ERBB4: variants seen among roughly 807,000 people sequenced by gnomAD.
ERBB4 encodes erb-b2 receptor tyrosine kinase 4.
Under a neutral mutation model 158.0 loss-of-function variants are expected in ERBB4, and 42 were observed. That is an observed-to-expected ratio of 0.27 (90% CI 0.21 to 0.34). ERBB4 has a LOEUF of 0.34. ERBB4 is among the 10% of genes least tolerant of loss of function. The probability of loss-of-function intolerance (pLI) is 1.00; values close to 1 mark genes in which losing one functional copy is unlikely to be tolerated. For missense variants in ERBB4, 1,333 were observed against 1,624.1 expected, an observed-to-expected ratio of 0.82 and a Z score of 3.08; for synonymous variants, 583 against 558.7, an observed-to-expected ratio of 1.04 and a Z score of -0.61.
chr2:212,072,258 A>C (rs1483082547), intron 2 of ERBB4, among the ~76,000 whole-genome samples: 1 of 151,994 alleles, frequency 6.6e-6, no homozygotes, highest in Non-Finnish European at 1.5e-5. Context: ...TTCTAGTTTT[A>C]TAATTGATTA....
chr2:211,922,647 A>C (rs2079888262), intron 3 of ERBB4, among the ~76,000 whole-genome samples: 1 of 152,110 alleles, frequency 6.6e-6, no homozygotes, highest in East Asian at 1.9e-4. Flanking sequence ...CATTGTGTTA[A>C]TTTCTAAGAA....
intron 4 of ERBB4, among the ~76,000 whole-genome samples, chr2:211,757,352 A>T (rs2106229466): frequency 6.6e-6 from 1 of 152,336 alleles, no homozygotes; most frequent in South Asian, 2.1e-4. Context: ...AAATGAAACT[A>T]AAAACATTTA....
intron 21 of ERBB4, among the ~76,000 whole-genome samples, chr2:211,428,687 A>C (rs2063687486): frequency 6.6e-6 from 1 of 152,148 alleles, no homozygotes; most frequent in Non-Finnish European, 1.5e-5. Flanking sequence ...AAAGTGAATT[A>C]ATCTAAAGAT....
chr2:211,492,638 AC>A (rs2065373232), intron 20 of ERBB4, among the ~76,000 whole-genome samples: 1 of 152,118 alleles, frequency 6.6e-6, no homozygotes, highest in South Asian at 2.1e-4. Flanking sequence ...AAGCACAACA[AC>A]AATTTTAAAA....
intron 1 of ERBB4, among the ~76,000 whole-genome samples, chr2:212,490,531 C>T (rs1690217304): frequency 1.3e-5 from 2 of 151,662 alleles, no homozygotes; most frequent in African/African-American, 4.8e-5. Flanking sequence ...AACCAGAGTC[C>T]TCACTATTTA....
At chr2:211,454,500 T>G (rs2064329846) in intron 20 of ERBB4, among the ~76,000 whole-genome samples, 1 of 152,212 alleles carries the variant, frequency 6.6e-6, no homozygotes, top group East Asian at 1.9e-4. Flanking sequence ...ATTGCACTGA[T>G]GCTAGAGACC....
At chr2:212,254,752 G>A (rs2084663392) in intron 1 of ERBB4, among the ~76,000 whole-genome samples, 1 of 152,100 alleles carries the variant, frequency 6.6e-6, no homozygotes, top group Admixed American at 6.6e-5. Flanking sequence ...TTCAGGATGT[G>A]CAGTGTTTAT....
chr2:212,255,781 T>A (rs1406883698), intron 1 of ERBB4, among the ~76,000 whole-genome samples: 4 of 152,058 alleles, frequency 2.6e-5, no homozygotes, highest in Admixed American at 1.3e-4. Context: ...TAAAAATATA[T>A]TAACTCTTTC....
chr2:211,577,047 T>C (rs2067913523), intron 19 of ERBB4, among the ~76,000 whole-genome samples: 2 of 152,182 alleles, frequency 1.3e-5, no homozygotes, highest in Non-Finnish European at 1.5e-5. Flanking sequence ...GTTACTCAGA[T>C]ATATAATGGG....
intron 1 of ERBB4, among the ~76,000 whole-genome samples, chr2:212,366,294 A>G (rs1456629615): frequency 6.6e-6 from 1 of 151,992 alleles, no homozygotes; most frequent in Non-Finnish European, 1.5e-5. Flanking sequence ...TTTGTGCAAG[A>G]TAGGATTCCA....
intron 1 of ERBB4, among the ~76,000 whole-genome samples, chr2:212,133,508 C>T (rs978549372): frequency 6.6e-6 from 1 of 150,866 alleles, no homozygotes; most frequent in Admixed American, 6.6e-5. Flanking sequence ...ATGCAAGCCT[C>T]ATAAGAGAGG....
intron 12 of ERBB4, among the ~76,000 whole-genome samples, chr2:211,691,566 A>ATGTGTGTGTG (rs1491273640): frequency 1.7e-4 from 15 of 87,930 alleles, no homozygotes; most frequent in African/African-American, 5.7e-4. Context: ...GCATAGAAAC[A>ATGTGTGTGTG]TATGTGTGTG....
intron 3 of ERBB4, among the ~76,000 whole-genome samples, chr2:211,862,768 T>C (rs1383152747): frequency 6.6e-6 from 1 of 152,160 alleles, no homozygotes; most frequent in African/African-American, 2.4e-5. Context: ...AAATAAAGTG[T>C]GAGTAAGATA....
chr2:211,492,186 T>C (rs967932517), intron 20 of ERBB4, among the ~76,000 whole-genome samples: 8 of 152,104 alleles, frequency 5.3e-5, no homozygotes, highest in Admixed American at 2.6e-4. Flanking sequence ...GGAACAAAAG[T>C]AGTTTCAGTG....
chr2:211,565,767 GA>G (rs1041606218), intron 19 of ERBB4, among the ~76,000 whole-genome samples: 1 of 152,034 alleles, frequency 6.6e-6, no homozygotes, highest in Non-Finnish European at 1.5e-5. Context: ...TTTCAGTAAG[GA>G]AAAGGGGGCA....
intron 5 of ERBB4, among the ~76,000 whole-genome samples, chr2:211,730,899 T>G (rs1394739673): frequency 6.6e-6 from 1 of 152,034 alleles, no homozygotes; most frequent in Non-Finnish European, 1.5e-5. Context: ...AGAAAAAAAT[T>G]TTAAGTCATT....
At chr2:211,395,854 T>C (rs1174558678) in intron 25 of ERBB4, among the ~76,000 whole-genome samples, 1 of 152,072 alleles carries the variant, frequency 6.6e-6, no homozygotes, top group Non-Finnish European at 1.5e-5. Context: ...TTATTGTCAG[T>C]TGATATACTT....
intron 1 of ERBB4, among the ~76,000 whole-genome samples, chr2:212,497,679 TATC>T (rs1267796452): frequency 6.6e-6 from 1 of 152,148 alleles, no homozygotes; most frequent in Non-Finnish European, 1.5e-5. Flanking sequence ...CTTCACAGCT[TATC>T]TAAAGTATCA....
At chr2:212,014,919 G>A (rs914984221) in intron 2 of ERBB4, among the ~76,000 whole-genome samples, 11 of 150,182 alleles carry the variant, frequency 7.3e-5, no homozygotes, top group Non-Finnish European at 1.6e-4. Flanking sequence ...TCAGCCAGGC[G>A]CAGTGGCTCA....
Sources: allele counts gnomAD v4.1 joint callset (sites outside exome capture counted in the v4.1 genomes callset), GRCh38; gene constraint gnomAD v4.1.1; transcripts MANE v1.5; gene names NCBI Gene and HGNC (gene_info 2026-07-23, HGNC 2026-07-21).